The following SPTLC3 variants were observed in gnomAD, a reference collection of about 807,000 sequenced individuals.
The protein encoded by SPTLC3 is serine palmitoyltransferase long chain base subunit 3, also known as serine palmitoyltransferase 3.
In SPTLC3, 36 loss-of-function variants were observed where a neutral mutation model predicts 59.3. That is an observed-to-expected ratio of 0.61 (90% CI 0.47 to 0.80). The LOEUF (loss-of-function observed/expected upper bound fraction) is 0.80, where lower values mean the gene tolerates loss of function less well. SPTLC3 is among the 30% of genes least tolerant of loss of function. The pLI is 0.00. For synonymous variants in SPTLC3, 257 were observed against 240.8 expected (o/e 1.07, Z -0.62); for missense variants, 625 against 685.1 (o/e 0.91, Z 0.98).
intron 2 of SPTLC3, chr20:13,050,047 T>G (rs1987414800): frequency 6.6e-6 from 1 of 151,986 alleles, no homozygotes; most frequent in Admixed American, 6.6e-5. Flanking sequence ...CCCCAAAATA[T>G]AATACTAGTT....
intron 9 of SPTLC3, among the ~76,000 whole-genome samples, chr20:13,136,776 A>C (rs2038257536): frequency 6.7e-6 from 1 of 149,364 alleles, no homozygotes; most frequent in South Asian, 2.1e-4. Flanking sequence ...GGCAGGAAGA[A>C]ATAACAATGC....
intron 11 of SPTLC3, 79 bp downstream of exon 11, chr20:13,160,211 G>A: frequency 1.4e-6 from 2 of 1,462,610 alleles, no homozygotes; most frequent in Non-Finnish European, 9.1e-7. Context: ...AGACAGCTTG[G>A]GGTTCTCTGG....
intron 4 of SPTLC3, among the ~76,000 whole-genome samples, chr20:13,082,072 C>A (rs902399359): frequency 2.6e-5 from 4 of 152,098 alleles, no homozygotes; most frequent in Non-Finnish European, 5.9e-5. Context: ...CCTATAGGTT[C>A]AACAAAGCCA....
At position 13,072,244 on chromosome 20, in the gene SPTLC3, C is replaced by T; in HGVS notation, c.304-12C>T. On this transcript the variant is annotated splice_polypyrimidine_tract_variant and intron_variant, in intron 2 of 11. Transcript: ENST00000399002. The stretch of plus-strand genomic sequence containing the variant: ...AAGAACCAGAGATAACCTTCTACCT[C>T]TGTTCTAACAGGATTTTGTGCCACT... 3.1e-6 allele frequency: 5 copies of T among 1,606,496 alleles called. No individual in the cohort carries two copies. Among genetic ancestry groups the T allele is most frequent in the Non-Finnish European group, 4.2e-6 (5 of 1,177,458 alleles).
rs890963800 is a variant in SPTLC3, at chr20:13,079,851, A to C, written c.607+5354A>C. On this transcript the variant is annotated intron_variant, in intron 4 of 11. Coordinates refer to ENST00000399002, the MANE Select transcript of SPTLC3 (RefSeq NM_018327.4). ...CCCTGGTCATGGAAAATGGGCAGGCACTCTTCCCTGTTGGAGGTGAGGCAG... is the reference window on the plus strand; with the variant it reads ...CCCTGGTCATGGAAAATGGGCAGGCCCTCTTCCCTGTTGGAGGTGAGGCAG... 8.9e-6 allele frequency: 4 copies of C among 447,290 alleles called. No homozygotes were observed. The East Asian group carries it at 3.1e-4, about 34-fold the overall frequency. The allele number at this position is 447,290 out of a possible 1,614,324, so 27.7% of individuals were successfully genotyped here.
Position 13,167,078 on chromosome 20 carries a change from C to G in SPTLC3, c.*2211C>G, listed in dbSNP as rs997563295. 3.9e-5 allele frequency: 6 copies of G among 152,080 alleles called. No homozygotes were observed. The highest frequency in any genetic ancestry group is 1.3e-4 in the Admixed American group (2 of 15,268). The allele number at this position is 152,080 out of a possible 1,614,324, so 9.4% of individuals were successfully genotyped here. On this transcript the variant is annotated 3_prime_UTR_variant, in exon 12 of 12. Coordinates refer to ENST00000399002, the MANE Select transcript of SPTLC3 (RefSeq NM_018327.4). Reference sequence around the variant, plus strand: ...ACAACTGTTGATATACAGGTATAATCCAAGTAGAATGCTTCCACAGTGCAT... The same window carrying G: ...ACAACTGTTGATATACAGGTATAATGCAAGTAGAATGCTTCCACAGTGCAT...
intron 2 of SPTLC3, among the ~76,000 whole-genome samples, chr20:13,061,201 G>C (rs1326246542): frequency 6.6e-6 from 1 of 152,108 alleles, no homozygotes. Context: ...AGAGACATGG[G>C]GGTGCATATG....
At chr20:13,069,588 C>T (rs76828749) in intron 2 of SPTLC3, among the ~76,000 whole-genome samples, 6,766 of 152,106 alleles carry the variant, frequency 0.044, 203 homozygotes, top group South Asian at 0.079. Flanking sequence ...AGGTGGAGCT[C>T]GGAGCCCAGG....
At chr20:13,073,831 G>T in intron 3 of SPTLC3, 1 of 579,368 alleles carries the variant, frequency 1.7e-6, no homozygotes, top group South Asian at 1.5e-5. Context: ...TCAGTTTGGG[G>T]AAAGTTCCTT....
At chr20:13,138,528 G>T (rs531996644) in intron 9 of SPTLC3, among the ~76,000 whole-genome samples, 1 of 152,096 alleles carries the variant, frequency 6.6e-6, no homozygotes, top group African/African-American at 2.4e-5. Flanking sequence ...TTATTTAATT[G>T]CACCTTAAGC....
At chr20:13,080,882 A>G (rs1203546025) in intron 4 of SPTLC3, among the ~76,000 whole-genome samples, 1 of 152,204 alleles carries the variant, frequency 6.6e-6, no homozygotes, top group Non-Finnish European at 1.5e-5. Flanking sequence ...TTAGGGAAAC[A>G]AGTATGTTTC....
intron 11 of SPTLC3, among the ~76,000 whole-genome samples, chr20:13,162,935 C>G (rs1270486062): frequency 6.6e-6 from 1 of 152,150 alleles, no homozygotes; most frequent in Non-Finnish European, 1.5e-5. Context: ...AGAAACCTAA[C>G]TCTGAGCACG....
chr20:13,092,365 C>G (rs1989254438), intron 5 of SPTLC3, among the ~76,000 whole-genome samples: 1 of 152,182 alleles, frequency 6.6e-6, no homozygotes, highest in Non-Finnish European at 1.5e-5. Context: ...GTACATTAAT[C>G]AAATTTATGC....
At chr20:13,045,644 A>G (rs998984734) in intron 1 of SPTLC3, among the ~76,000 whole-genome samples, 1 of 152,178 alleles carries the variant, frequency 6.6e-6, no homozygotes, top group African/African-American at 2.4e-5. Flanking sequence ...ATTAAATTTA[A>G]AATGTATCTA....
chr20:13,021,105 A>G (rs946909005), intron 1 of SPTLC3, among the ~76,000 whole-genome samples: 1 of 152,202 alleles, frequency 6.6e-6, no homozygotes, highest in African/African-American at 2.4e-5. Context: ...ACCTGTCTGC[A>G]GCATTAGTGA....
chr20:13,068,653 T>A (rs1264962873), intron 2 of SPTLC3, among the ~76,000 whole-genome samples: 2 of 151,858 alleles, frequency 1.3e-5, no homozygotes, highest in African/African-American at 4.8e-5. Flanking sequence ...GTCTCCAAAC[T>A]CAATTGGCCC....
At chr20:13,062,341 C>A (rs930285739) in intron 2 of SPTLC3, among the ~76,000 whole-genome samples, 6 of 152,096 alleles carry the variant, frequency 3.9e-5, no homozygotes, top group African/African-American at 1.4e-4. Context: ...TACCAAAGGC[C>A]GAGAAATATT....
rs1184747100 is a variant in SPTLC3, at chr20:13,165,661, G to T, written c.*794G>T. On this transcript the variant is annotated 3_prime_UTR_variant, in exon 12 of 12. Transcript: ENST00000399002. ...TTACAACAATTTGAACCTTGTTGGT[G>T]CAGTGCACGGTGAATGCTTACCCTG... 6.6e-6 allele frequency: 1 copy of T among 152,176 alleles called. No individual in the cohort carries two copies. Among genetic ancestry groups the T allele is most frequent in the Admixed American group, 6.5e-5 (1 of 15,274 alleles). 9.4% of individuals were successfully genotyped at this position (152,176 alleles called of 1,614,324 possible).
intron 2 of SPTLC3, among the ~76,000 whole-genome samples, chr20:13,061,946 T>C (rs930337717): frequency 2.0e-5 from 3 of 152,166 alleles, no homozygotes; most frequent in African/African-American, 7.2e-5. Context: ...TGCCAGAGAC[T>C]CTGCAGAACG....
Sources: allele counts gnomAD v4.1 joint callset (sites outside exome capture counted in the v4.1 genomes callset), GRCh38; gene constraint gnomAD v4.1.1; transcripts MANE v1.5; gene names NCBI Gene and HGNC (gene_info 2026-07-23, HGNC 2026-07-21).